Variants in DSCAM observed in about 807,000 individuals in gnomAD.
The protein encoded by DSCAM is cell adhesion molecule DSCAM.
A neutral mutation model predicts 217.7 loss-of-function variants in DSCAM; 47 were observed. The observed-to-expected ratio is 0.22, with a 90% CI of 0.17 to 0.28. The LOEUF (loss-of-function observed/expected upper bound fraction) is 0.28. Among genes scored for constraint, DSCAM ranks in the 10% least tolerant of loss-of-function variants. The pLI is 1.00. For missense variants in DSCAM, 2,080 were observed against 2,618.3 expected (o/e 0.79, Z 4.49); for synonymous variants, 1,056 against 1,015.3 (o/e 1.04, Z -0.76).
At chr21:40,274,610 C>T (rs568928610) in intron 11 of DSCAM, among the ~76,000 whole-genome samples, 22 of 152,306 alleles carry the variant, frequency 1.4e-4, no homozygotes, top group African/African-American at 5.3e-4. Flanking sequence ...TTTAGGTTTC[C>T]TTTATAACTT....
At chr21:40,015,551 T>A (rs867611816) in intron 32 of DSCAM, among the ~76,000 whole-genome samples, 2 of 152,076 alleles carry the variant, frequency 1.3e-5, no homozygotes, top group Middle Eastern at 6.8e-3. Flanking sequence ...CACCTCAGCC[T>A]CCAGAGTAGC....
At chr21:40,513,586 G>T (rs931800809) in intron 3 of DSCAM, among the ~76,000 whole-genome samples, 2 of 152,080 alleles carry the variant, frequency 1.3e-5, no homozygotes, top group Non-Finnish European at 2.9e-5. Flanking sequence ...GAAGTGTCAG[G>T]CTCTCTTAAA....
intron 3 of DSCAM, among the ~76,000 whole-genome samples, chr21:40,404,444 A>G (rs768135819): frequency 2.0e-5 from 3 of 152,192 alleles, no homozygotes; most frequent in Non-Finnish European, 2.9e-5. Context: ...GGGCCTCTTG[A>G]GGGCAGAAGA....
At chr21:40,088,496 G>A (rs2089562981) in intron 21 of DSCAM, among the ~76,000 whole-genome samples, 2 of 152,206 alleles carry the variant, frequency 1.3e-5, no homozygotes, top group South Asian at 4.1e-4. Context: ...TCTGGGCACT[G>A]TGGGCAAGAG....
chr21:40,463,534 C>G (rs1054073250), intron 3 of DSCAM, among the ~76,000 whole-genome samples: 12 of 152,168 alleles, frequency 7.9e-5, no homozygotes, highest in African/African-American at 2.9e-4. Flanking sequence ...CCCACTTTCC[C>G]CAGGTCTTAA....
chr21:40,151,416 G>A lies in DSCAM; in HGVS notation c.3019-6685C>T, dbSNP rs77858509. Among the ~76,000 whole-genome samples, 1,097 of 151,834 alleles carry A rather than the reference G, an allele frequency of 7.2e-3. 17 individuals carry two copies. Among genetic ancestry groups the A allele is most frequent in the African/African-American group, 0.025 (1,046 of 41,390 alleles). Reference sequence around the variant, plus strand: ...TAGTGGCCACCATTCTCAATGAAACGTGGTTTCAAAGAATGTCATTGCAAG... The same window carrying A: ...TAGTGGCCACCATTCTCAATGAAACATGGTTTCAAAGAATGTCATTGCAAG... On this transcript the variant is annotated intron_variant, in intron 16 of 32. Transcript: ENST00000400454.
chr21:40,296,346 C>T (rs935064629), intron 9 of DSCAM, among the ~76,000 whole-genome samples, 172 bp from the exon 10 acceptor site: 8 of 152,160 alleles, frequency 5.3e-5, no homozygotes, highest in Non-Finnish European at 1.0e-4. Context: ...GGAGTAATTT[C>T]AGTGCTGAAA....
At chr21:40,733,669 T>C (rs1474975861) in intron 1 of DSCAM, among the ~76,000 whole-genome samples, 1 of 152,116 alleles carries the variant, frequency 6.6e-6, no homozygotes. Flanking sequence ...AGAGGTGAGT[T>C]TGGGAAGAGA....
At chr21:40,194,849 A>C (rs912173093) in intron 11 of DSCAM, among the ~76,000 whole-genome samples, 1 of 152,136 alleles carries the variant, frequency 6.6e-6, no homozygotes, top group Non-Finnish European at 1.5e-5. Context: ...TGAAATTGGC[A>C]ATGGTGGTAG....
chr21:40,184,032 A>G (rs1016904877), intron 14 of DSCAM, among the ~76,000 whole-genome samples: 1 of 152,176 alleles, frequency 6.6e-6, no homozygotes, highest in East Asian at 1.9e-4. Flanking sequence ...ATAGGGGGAC[A>G]ACTGTTCAGT....
chr21:40,267,990 C>T (rs1193013536), intron 11 of DSCAM, among the ~76,000 whole-genome samples: 1 of 152,106 alleles, frequency 6.6e-6, no homozygotes, highest in Non-Finnish European at 1.5e-5. Context: ...CAAGTATATA[C>T]AAATACACAC....
chr21:40,174,532 T>TG (rs369427513), intron 15 of DSCAM, among the ~76,000 whole-genome samples: 32 of 45,466 alleles, frequency 7.0e-4, no homozygotes, highest in African/African-American at 6.0e-3. Flanking sequence ...CATGTTATTC[T>TG]TTTTTTTTTT....
intron 10 of DSCAM, among the ~76,000 whole-genome samples, chr21:40,276,626 A>C (rs1455128587): frequency 6.6e-6 from 1 of 152,192 alleles, no homozygotes; most frequent in Admixed American, 6.5e-5. Context: ...TGCTAAATAA[A>C]TTCCTTGTGT....
At chr21:40,706,688 T>C (rs2090721274) in intron 2 of DSCAM, among the ~76,000 whole-genome samples, 1 of 152,192 alleles carries the variant, frequency 6.6e-6, no homozygotes, top group Non-Finnish European at 1.5e-5. Flanking sequence ...CCTTCATCTG[T>C]CTTTTTGAAC....
At chr21:40,561,144 A>C (rs1337974098) in intron 3 of DSCAM, among the ~76,000 whole-genome samples, 1 of 152,228 alleles carries the variant, frequency 6.6e-6, no homozygotes, top group Non-Finnish European at 1.5e-5. Flanking sequence ...GTAAGAGCAT[A>C]GGCTTTCGAT....
chr21:40,651,012 G>C (rs1419145710), intron 3 of DSCAM, among the ~76,000 whole-genome samples: 1 of 152,206 alleles, frequency 6.6e-6, no homozygotes, highest in Non-Finnish European at 1.5e-5. Flanking sequence ...GTTCCTAAAG[G>C]TTGTCCAGCT....
At chr21:40,729,232 A>C (rs534484454) in intron 1 of DSCAM, among the ~76,000 whole-genome samples, 2 of 152,304 alleles carry the variant, frequency 1.3e-5, no homozygotes, top group South Asian at 4.2e-4. Context: ...GAAACCATAT[A>C]AACTTTGAAC....
At chr21:40,322,761 T>C (rs896297511) in intron 8 of DSCAM, among the ~76,000 whole-genome samples, 12 of 152,132 alleles carry the variant, frequency 7.9e-5, no homozygotes, top group African/African-American at 1.9e-4. Flanking sequence ...CTGACCTCAG[T>C]TGATTTACCC....
At chr21:40,716,051 A>T (rs2090838642) in intron 1 of DSCAM, among the ~76,000 whole-genome samples, 1 of 152,214 alleles carries the variant, frequency 6.6e-6, no homozygotes, top group Non-Finnish European at 1.5e-5. Flanking sequence ...ATGATAAATA[A>T]ATGTTTAATC....
Sources: allele counts gnomAD v4.1 joint callset (sites outside exome capture counted in the v4.1 genomes callset), GRCh38; gene constraint gnomAD v4.1.1; transcripts MANE v1.5; gene names NCBI Gene and HGNC (gene_info 2026-07-23, HGNC 2026-07-21).